The following GSN variants were observed in gnomAD, a reference collection of about 807,000 sequenced individuals.
The protein encoded by GSN is gelsolin.
Under a neutral mutation model 85.7 loss-of-function variants are expected in GSN, and 56 were observed. The observed-to-expected ratio is 0.65, with a 90% CI of 0.53 to 0.82. GSN has a LOEUF of 0.82. GSN is among the 40% of genes least tolerant of loss of function. The pLI, the probability that GSN is intolerant of heterozygous loss-of-function variation, is 0.00. For synonymous variants in GSN, 373 were observed against 399.1 expected, an observed-to-expected ratio of 0.93 and a Z score of 0.78; for missense variants, 857 against 979.8, an observed-to-expected ratio of 0.87 and a Z score of 1.67.
intron 6 of GSN, chr9:121,313,656 C>T (rs1207453021): frequency 1.9e-6 from 1 of 515,054 alleles, no homozygotes. Context: ...ATAGTTATCA[C>T]AATTAGCCGG....
upstream of GSN, among the ~76,000 whole-genome samples, chr9:121,202,854 C>T (rs1432769272): frequency 6.6e-6 from 1 of 152,102 alleles, no homozygotes; most frequent in African/African-American, 2.4e-5. Flanking sequence ...CGGCCGGGCG[C>T]GGTGGCTCAC....
intron 5 of GSN, among the ~76,000 whole-genome samples, chr9:121,233,746 A>G (rs2132163657): frequency 6.6e-6 from 1 of 152,336 alleles, no homozygotes; most frequent in Non-Finnish European, 1.5e-5. Flanking sequence ...ACAGCAACAG[A>G]TAGCCAAAAG....
intron 3 of GSN, among the ~76,000 whole-genome samples, chr9:121,302,398 G>A (rs560488583): frequency 3.5e-4 from 54 of 152,322 alleles, no homozygotes; most frequent in African/African-American, 1.3e-3. Context: ...TCCCTGTGGA[G>A]TGGACATGAT....
Position 121,224,808 on chromosome 9 carries a change from T to TAATAAATA in GSN, c.-527-6341_-527-6334dup, listed in dbSNP as rs55879249. Among the ~76,000 whole-genome samples, 836 of 146,384 alleles carry TAATAAATA rather than the reference T, an allele frequency of 5.7e-3. 7 individuals are homozygous for TAATAAATA. Among genetic ancestry groups the TAATAAATA allele is most frequent in the African/African-American group, 0.017 (691 of 39,690 alleles). On this transcript the variant is annotated intron_variant, in intron 4 of 24. Transcript: ENST00000373823. Reference sequence around the variant, plus strand: ...TCACTAATGGGCCAAACACTTAAAATAATAAATAAATAAATAAATAAATTT... The same window carrying TAATAAATA: ...TCACTAATGGGCCAAACACTTAAAATAATAAATAAATAAATAAATAAATAAATAAATTT...
In GSN at chr9:121,316,841, A is replaced by G. The variant is rs979456240; in HGVS notation, c.754-245A>G. Among the ~76,000 whole-genome samples the G allele has an allele frequency of 3.3e-5, 5 of 152,098 alleles. No individual in the cohort carries two copies. In the East Asian group the frequency reaches 5.8e-4, roughly 18 times the overall value. ...ACTATGCAGTTCCCCTCTGCACCCA[A>G]TTCCCCAAATTTTATCCCGCCCTCC... On this transcript the variant is annotated intron_variant, in intron 7 of 17. Coordinates refer to ENST00000432226, the MANE Select transcript of GSN (RefSeq NM_198252.3).
At chr9:121,233,946 G>A (rs1394022118) in intron 5 of GSN, among the ~76,000 whole-genome samples, 3 of 152,142 alleles carry the variant, frequency 2.0e-5, no homozygotes, top group South Asian at 2.1e-4. Context: ...TGAACAAATC[G>A]AAAGTTTCTT....
intron 2 of GSN, among the ~76,000 whole-genome samples, chr9:121,288,386 T>G (rs2058357784): frequency 1.3e-5 from 2 of 152,276 alleles, no homozygotes; most frequent in African/African-American, 4.8e-5. Context: ...GCACAGTGTC[T>G]GACGCACCCG....
intron 1 of GSN, among the ~76,000 whole-genome samples, chr9:121,275,748 C>A (rs1439595055): frequency 1.3e-5 from 2 of 152,136 alleles, no homozygotes; most frequent in Non-Finnish European, 2.9e-5. Context: ...AAAAAAGAGA[C>A]CATAAAATTC....
chr9:121,212,229 A>G (rs948694281), intron 4 of GSN, among the ~76,000 whole-genome samples: 3 of 152,220 alleles, frequency 2.0e-5, no homozygotes, highest in Admixed American at 2.0e-4. Context: ...ACTGGAAACC[A>G]GACTCTCTAA....
Position 121,324,626 on chromosome 9 carries a change from G to A in GSN, c.1398G>A (p.Leu466=). 1 of 1,538,348 alleles carries A rather than the reference G, an allele frequency of 6.5e-7. No homozygotes were observed. The highest frequency in any genetic ancestry group is 8.8e-7 in the Non-Finnish European group (1 of 1,137,404). The change falls in exon 12 of 18, where the codon CTG becomes CTA. Residue 466 remains leucine (L), a synonymous_variant. Coordinates refer to ENST00000432226, the MANE Select transcript of GSN (RefSeq NM_198252.3). The stretch of plus-strand genomic sequence containing the variant: ...TGACTGCTCAGCTGGATGAGGAGCT[G>A]GGAGGTACCCCTGTCCAGGTGAGCC... The part of the protein sequence containing the change: ...AILTAQLDEE[L]GGTPVQSRVV...
chr9:121,286,270 G>T, intron 2 of GSN: 2 of 872,294 alleles, frequency 2.3e-6, no homozygotes, highest in South Asian at 1.6e-5. Flanking sequence ...TCCCGCTCCT[G>T]ACTCCTAGTT....
intron 2 of GSN, among the ~76,000 whole-genome samples, chr9:121,287,081 C>T (rs1482062110): frequency 6.6e-6 from 1 of 152,186 alleles, no homozygotes; most frequent in Non-Finnish European, 1.5e-5. Context: ...GAGCCTCCGA[C>T]TCCACCCTGT....
rs139420096 is a variant in GSN at position 121,332,523 on chromosome 9, G to A, written c.2116G>A (p.Val706Met). ...VKQGFEPPSF[V>M]GWFLGWDDDY... The stretch of plus-strand genomic sequence containing the variant: ...GCAAGGCTTTGAGCCTCCCTCCTTT[G>A]TGGGCTGGTTCCTTGGCTGGGATGA... Residue 706 changes from valine (V) to methionine (M), a missense_variant, in exon 18 of 18, where the codon GTG (valine) becomes ATG (methionine). Transcript: ENST00000432226. The surrounding 1 kb of genome is among the most constrained non-coding windows in gnomAD (Gnocchi z 4.8). 1 of 1,614,114 alleles carries A rather than the reference G, an allele frequency of 6.2e-7. No homozygotes were observed. Among genetic ancestry groups the A allele is most frequent in the African/African-American group, 1.3e-5 (1 of 75,032 alleles).
chr9:121,289,405 C>T (rs977424192), intron 2 of GSN, among the ~76,000 whole-genome samples: 2 of 152,150 alleles, frequency 1.3e-5, no homozygotes, highest in Non-Finnish European at 2.9e-5. Flanking sequence ...GGGTAATTTT[C>T]CTCTAAGCTG....
chr9:121,220,174 C>T (rs930289779), intron 4 of GSN, among the ~76,000 whole-genome samples: 1 of 152,226 alleles, frequency 6.6e-6, no homozygotes, highest in African/African-American at 2.4e-5. Context: ...TGAGCCACTG[C>T]ACCCGGCCCA....
At chr9:121,326,733 C>A in intron 13 of GSN, 51 bp downstream of exon 13, 1 of 1,456,388 alleles carries the variant, frequency 6.9e-7, no homozygotes, top group Non-Finnish European at 9.6e-7. Flanking sequence ...CTGAAACCTC[C>A]CAGCTCAATG....
In GSN at chr9:121,315,757, G is replaced by A. The variant is rs942469113; in HGVS notation, c.754-1329G>A. ...GCCTGGGCGACAACAGTGAGACTCC[G>A]TCTCAAAAATAATAATAATAAATAA... On this transcript the variant is annotated intron_variant, in intron 7 of 17. Coordinates refer to ENST00000432226, the MANE Select transcript of GSN (RefSeq NM_198252.3). 3.3e-5 allele frequency among the ~76,000 whole-genome samples: 5 copies of A among 151,958 alleles called. No individual in the cohort carries two copies. In the South Asian group the frequency reaches 6.2e-4, roughly 19 times the overall value.
intron 3 of GSN, chr9:121,210,345 A>C (rs1050720984): frequency 1.3e-5 from 2 of 152,234 alleles, no homozygotes; most frequent in African/African-American, 4.8e-5. Flanking sequence ...TGACGTGCTA[A>C]GTCTTCAAGC....
At chr9:121,292,432 G>A (rs2058782854) in intron 2 of GSN, among the ~76,000 whole-genome samples, 3 of 152,180 alleles carry the variant, frequency 2.0e-5, no homozygotes, top group Non-Finnish European at 4.4e-5. Context: ...GTATGAGGTA[G>A]GTATAGGGCA....
Sources: allele counts gnomAD v4.1 joint callset (sites outside exome capture counted in the v4.1 genomes callset), GRCh38; gene constraint gnomAD v4.1.1; non-coding constraint Gnocchi (gnomAD v3.1); transcripts MANE v1.5; gene names NCBI Gene and HGNC (gene_info 2026-07-23, HGNC 2026-07-21).